MAGED1: variants seen among roughly 807,000 people sequenced by gnomAD.
MAGED1 encodes MAGE family member D1.
A neutral mutation model predicts 54.1 loss-of-function variants in MAGED1; 3 were observed. That is an observed-to-expected ratio of 0.06 (90% CI 0.03 to 0.14). MAGED1 has a LOEUF of 0.14. Ranked by LOEUF, MAGED1 falls within the 10% of genes least tolerant of loss-of-function variation. The pLI is 1.00. For missense variants in MAGED1, 485 were observed against 623.4 expected (o/e 0.78, Z 2.36); for synonymous variants, 217 against 227.3 (o/e 0.95, Z 0.41).
chrX:51,902,224 G>T lies in MAGED1; in HGVS notation c.*87G>T. The T allele has an allele frequency of 8.3e-6, 2 of 240,798 alleles. No homozygotes were observed. Among genetic ancestry groups the T allele is most frequent in the Non-Finnish European group, 1.5e-5 (2 of 134,581 alleles). The allele number at this position is 240,798 out of a possible 1,213,427, so 19.8% of individuals were successfully genotyped here. ...TTCCTTCTAAACACAGCTATCTAGA[G>T]AGCCACATCCTGTTGACTGAAAGTG... On this transcript the variant is annotated 3_prime_UTR_variant, in exon 13 of 13. Transcript: ENST00000326587.
At chrX:51,829,492 A>G (rs1294321205) in intron 1 of MAGED1, among the ~76,000 whole-genome samples, 1 of 110,872 alleles carries the variant, frequency 9.0e-6, no homozygotes. Flanking sequence ...AATTTTTTAT[A>G]GATTATAAAC....
chrX:51,817,781 G>C (rs1416509439), intron 1 of MAGED1, among the ~76,000 whole-genome samples: 5 of 111,864 alleles, frequency 4.5e-5, no homozygotes, highest in African/African-American at 9.8e-5. Context: ...CGTAGTGCAA[G>C]GCCCTACCAC....
At chrX:51,861,848 T>G (rs1927290867) in intron 1 of MAGED1, among the ~76,000 whole-genome samples, 1 of 110,778 alleles carries the variant, frequency 9.0e-6, no homozygotes, top group African/African-American at 3.3e-5. Flanking sequence ...TCTGGCTAAT[T>G]TTTTTGTATT....
chrX:51,873,560 A>AGAGAGAG (rs1557361797), intron 1 of MAGED1, among the ~76,000 whole-genome samples: 1 of 96,244 alleles, frequency 1.0e-5, no homozygotes, highest in African/African-American at 3.8e-5. Flanking sequence ...AGAGAGAGAG[A>AGAGAGAG]AGTTGGGGTA....
At chrX:51,880,388 G>A (rs782362118) in intron 1 of MAGED1, among the ~76,000 whole-genome samples, 2 of 111,442 alleles carry the variant, frequency 1.8e-5, no homozygotes, top group South Asian at 3.9e-4. Context: ...AACATCCCTA[G>A]AACTTAAATA....
intron 1 of MAGED1, among the ~76,000 whole-genome samples, chrX:51,846,322 G>A (rs1479352438): frequency 1.8e-5 from 2 of 111,586 alleles, no homozygotes; most frequent in Admixed American, 9.6e-5. Context: ...GAAGATACAA[G>A]GTTGGAAGCA....
intron 1 of MAGED1, among the ~76,000 whole-genome samples, chrX:51,849,835 GTTTA>G (rs1557359605): frequency 1.8e-5 from 2 of 111,478 alleles, no homozygotes; most frequent in Non-Finnish European, 3.8e-5. Context: ...AGTGTTTTTG[GTTTA>G]TTTATGTAAT....
chrX:51,826,173 A>G (rs1925845348), intron 1 of MAGED1, among the ~76,000 whole-genome samples: 1 of 112,099 alleles, frequency 8.9e-6, no homozygotes, highest in Admixed American at 9.4e-5. Flanking sequence ...ATCCCCAGAG[A>G]CTTTAGGTGA....
chrX:51,849,818 G>A (rs907867977), intron 1 of MAGED1, among the ~76,000 whole-genome samples: 1 of 111,816 alleles, frequency 8.9e-6, no homozygotes, highest in Admixed American at 9.5e-5. Flanking sequence ...TAAATGAAAT[G>A]TCACAAAGTG....
chrX:51,826,330 T>C (rs1030569695), intron 1 of MAGED1, among the ~76,000 whole-genome samples: 1 of 112,090 alleles, frequency 8.9e-6, no homozygotes, highest in Admixed American at 9.5e-5. Context: ...CATGCAAGTT[T>C]TCTGTTTTCT....
chrX:51,826,899 A>G (rs1392725854), intron 1 of MAGED1, among the ~76,000 whole-genome samples: 1 of 112,616 alleles, frequency 8.9e-6, no homozygotes, highest in Non-Finnish European at 1.9e-5. Context: ...AATGGGTTGA[A>G]AACTTATGTC....
At chrX:51,855,233 T>A (rs1429572431) in intron 1 of MAGED1, among the ~76,000 whole-genome samples, 3 of 112,389 alleles carry the variant, frequency 2.7e-5, no homozygotes, top group African/African-American at 9.7e-5. Context: ...CTTCCTTTTT[T>A]ACGTATTTTA....
In MAGED1 at chrX:51,895,462, C is replaced by T. The variant is rs782783990; in HGVS notation, c.455C>T (p.Thr152Ile). 3.3e-6 allele frequency: 4 copies of T among 1,209,110 alleles called. No homozygotes were observed. The East Asian group carries it at 8.9e-5, about 27-fold the overall frequency. Residue 152 changes from threonine to isoleucine, a missense_variant, in exon 3 of 13, where the codon ACT becomes ATT. By Grantham distance (89) the Thr-to-Ile change is moderately conservative. Transcript: ENST00000326587. ...SEMAFKAQNA[T>I]TKVGPNATYN... is the part of the protein sequence containing the mutation. ...ATGGCCTTCAAGGCCCAGAATGCCA[C>T]TACTAAAGTGGGCCCAAATGCCACC...
chrX:51,824,393 C>T (rs1261026028), intron 1 of MAGED1, among the ~76,000 whole-genome samples: 1 of 110,583 alleles, frequency 9.0e-6, no homozygotes, highest in Non-Finnish European at 1.9e-5. Context: ...AACTGTTAAA[C>T]TTCTGTTTTC....
chrX:51,841,738 A>G (rs896768978), intron 1 of MAGED1, among the ~76,000 whole-genome samples: 1 of 111,471 alleles, frequency 9.0e-6, no homozygotes, highest in Non-Finnish European at 1.9e-5. Context: ...CAAAGATCAG[A>G]TAGTTGTAGA....
intron 1 of MAGED1, among the ~76,000 whole-genome samples, chrX:51,875,231 A>C (rs1927826284): frequency 9.7e-6 from 1 of 103,446 alleles, no homozygotes; most frequent in African/African-American, 3.6e-5. Context: ...TTCACTGATC[A>C]GTACTCTGTC....
intron 1 of MAGED1, among the ~76,000 whole-genome samples, chrX:51,806,849 G>A (rs1255150306): frequency 2.8e-5 from 3 of 108,685 alleles, no homozygotes; most frequent in African/African-American, 6.7e-5. Context: ...GTGCAGTGGC[G>A]TGATCTCAGC....
chrX:51,886,559 C>G (rs1384635684), intron 1 of MAGED1, among the ~76,000 whole-genome samples: 4 of 107,228 alleles, frequency 3.7e-5, no homozygotes, highest in African/African-American at 1.4e-4. Context: ...GAAAGAAAAG[C>G]AATACAGATC....
chrX:51,880,513 C>G (rs1432251701), intron 1 of MAGED1, among the ~76,000 whole-genome samples: 2 of 111,864 alleles, frequency 1.8e-5, no homozygotes, highest in African/African-American at 6.5e-5. Context: ...GAGAAAATAA[C>G]TTACATTTCC....
Sources: allele counts gnomAD v4.1 joint callset (sites outside exome capture counted in the v4.1 genomes callset), GRCh38; gene constraint gnomAD v4.1.1; transcripts MANE v1.5; gene names NCBI Gene and HGNC (gene_info 2026-07-23, HGNC 2026-07-21).